PPP1R7: variants seen among roughly 807,000 people sequenced by gnomAD.
The protein encoded by PPP1R7 is protein phosphatase 1 regulatory subunit 22.
Under a neutral mutation model 45.2 loss-of-function variants are expected in PPP1R7, and 18 were observed. The observed-to-expected ratio is 0.40, with a 90% CI of 0.28 to 0.59. The LOEUF (loss-of-function observed/expected upper bound fraction) is 0.59. PPP1R7 is among the 20% of genes least tolerant of loss of function. The pLI, the probability that PPP1R7 is intolerant of heterozygous loss-of-function variation, is 0.46. For missense variants in PPP1R7, 314 were observed against 455.8 expected, an observed-to-expected ratio of 0.69 and a Z score of 2.83; for synonymous variants, 181 against 183.4, an observed-to-expected ratio of 0.99 and a Z score of 0.11.
rs961045226 is a variant in PPP1R7 at position 241,157,788 on chromosome 2, C to T, written c.182-19C>T. The T allele has an allele frequency of 2.5e-6, 4 of 1,610,706 alleles. No individual in the cohort carries two copies. The highest frequency in any genetic ancestry group is 2.5e-6 in the Non-Finnish European group (3 of 1,177,054). Reference sequence around the variant, plus strand: ...TGTTAATGGGGTTCTGAACAAATCTCTTTTTCTTATTTTTTCAGAAGAACA... The same window carrying T: ...TGTTAATGGGGTTCTGAACAAATCTTTTTTTCTTATTTTTTCAGAAGAACA... On this transcript the variant is annotated intron_variant, in intron 2 of 9. Coordinates refer to ENST00000234038, the MANE Select transcript of PPP1R7 (RefSeq NM_002712.3).
intron 8 of PPP1R7, among the ~76,000 whole-genome samples, chr2:241,167,575 C>T (rs2067741197): frequency 6.6e-6 from 1 of 152,142 alleles, no homozygotes; most frequent in Admixed American, 6.5e-5. Flanking sequence ...TGAGCCAAGG[C>T]CCTGCAGTCA....
At chr2:241,179,558 CAG>C (rs2067965103) in intron 9 of PPP1R7, among the ~76,000 whole-genome samples, 1 of 152,160 alleles carries the variant, frequency 6.6e-6, no homozygotes, top group Non-Finnish European at 1.5e-5. Flanking sequence ...TTTTAAAAAA[CAG>C]TGTGAGAAGG....
intron 1 of PPP1R7, chr2:241,151,386 G>A (rs1178023463): frequency 8.6e-6 from 4 of 465,584 alleles, no homozygotes; most frequent in African/African-American, 6.0e-5. Flanking sequence ...GGGGAAGGAG[G>A]GCGGGTGCAG....
chr2:241,150,836 C>T (rs1222181817), intron 1 of PPP1R7, among the ~76,000 whole-genome samples: 2 of 152,142 alleles, frequency 1.3e-5, no homozygotes, highest in African/African-American at 2.4e-5. Context: ...TCCATTCAGT[C>T]CAGTTGGAGC....
chr2:241,170,681 C>T (rs1176797582), intron 9 of PPP1R7, among the ~76,000 whole-genome samples: 2 of 152,176 alleles, frequency 1.3e-5, no homozygotes, highest in Non-Finnish European at 2.9e-5. Context: ...TGCTGCTGAC[C>T]CTGCTTATGT....
intron 1 of PPP1R7, chr2:241,151,531 C>T (rs2067304736): frequency 2.1e-6 from 1 of 471,182 alleles, no homozygotes; most frequent in Middle Eastern, 3.2e-4. Flanking sequence ...TCACTCAAGA[C>T]GGAGAAAACT....
At chr2:241,175,702 C>T (rs1043275611) in intron 9 of PPP1R7, among the ~76,000 whole-genome samples, 1 of 152,172 alleles carries the variant, frequency 6.6e-6, no homozygotes, top group Non-Finnish European at 1.5e-5. Flanking sequence ...TCAAGTGATC[C>T]TCCCACCTCA....
chr2:241,163,793 A>G (rs2067647622), intron 7 of PPP1R7, among the ~76,000 whole-genome samples: 1 of 151,956 alleles, frequency 6.6e-6, no homozygotes, highest in Non-Finnish European at 1.5e-5. Flanking sequence ...GGGGTGAGGA[A>G]TGGAAGAGAT....
At chr2:241,173,224 A>G (rs2067849548) in intron 9 of PPP1R7, among the ~76,000 whole-genome samples, 1 of 145,818 alleles carries the variant, frequency 6.9e-6, no homozygotes, top group Non-Finnish European at 1.5e-5. Flanking sequence ...GTGAGCCAAG[A>G]TCATGCCACT....
intron 8 of PPP1R7, among the ~76,000 whole-genome samples, chr2:241,168,305 C>T (rs912617377): frequency 1.3e-5 from 2 of 152,170 alleles, no homozygotes; most frequent in Non-Finnish European, 2.9e-5. Flanking sequence ...CTCTGCCCCT[C>T]GTGCTGAGCC....
At chr2:241,161,544 A>G (rs2067591305) in intron 6 of PPP1R7, among the ~76,000 whole-genome samples, 1 of 152,260 alleles carries the variant, frequency 6.6e-6, no homozygotes, top group Non-Finnish European at 1.5e-5. Flanking sequence ...CTCCCTGGAC[A>G]GCTTTATACT....
intron 9 of PPP1R7, among the ~76,000 whole-genome samples, chr2:241,174,866 A>G (rs985088424): frequency 4.6e-5 from 7 of 151,926 alleles, no homozygotes; most frequent in Non-Finnish European, 8.8e-5. Context: ...TAGTAGAGAC[A>G]GGGTTTCACT....
Position 241,182,686 on chromosome 2 carries a change from G to A in PPP1R7, c.946G>A (p.Glu316Lys), listed in dbSNP as rs1305544715. 4.3e-6 allele frequency: 7 copies of A among 1,614,046 alleles called. No individual in the cohort carries two copies. The highest frequency in any genetic ancestry group is 2.2e-5 in the East Asian group (1 of 44,888). ...CCTTGAGAGCTGGAGCGACCTCGACGAGCTGAAGGGAGCCAGGAGCCTGGA... is the reference window on the plus strand; with the variant it reads ...CCTTGAGAGCTGGAGCGACCTCGACAAGCTGAAGGGAGCCAGGAGCCTGGA... ...NLLESWSDLD[E>K]LKGARSLETV... The change falls in exon 10 of 10, where the codon GAG becomes AAG. Residue 316 changes from glutamate to lysine, a missense_variant. Glu to Lys is a moderately conservative substitution (Grantham distance 56). Coordinates refer to ENST00000234038, the MANE Select transcript of PPP1R7 (RefSeq NM_002712.3).
chr2:241,183,051 G>A lies in PPP1R7; in HGVS notation c.*228G>A, dbSNP rs1288267299. On this transcript the variant is annotated 3_prime_UTR_variant, in exon 10 of 10. Transcript: ENST00000234038. ...TCCTGGGTGATTGTTGACAGTTATT[G>A]TAGCCACAGAGAGAACATAAGACAC... The A allele has an allele frequency of 1.7e-6, 1 of 578,038 alleles. No individual in the cohort carries two copies. The highest frequency in any genetic ancestry group is 3.1e-6 in the Non-Finnish European group (1 of 324,684). 35.8% of individuals were successfully genotyped at this position (578,038 alleles called of 1,614,324 possible).
At chr2:241,158,174 G>A (rs978137262) in intron 3 of PPP1R7, among the ~76,000 whole-genome samples, 4 of 152,196 alleles carry the variant, frequency 2.6e-5, no homozygotes, top group East Asian at 1.9e-4. Context: ...AGCCCACAGC[G>A]TGTCTCTGAT....
At chr2:241,161,816 TCTCTC>T (rs1443889146) in intron 6 of PPP1R7, among the ~76,000 whole-genome samples, 1 of 152,108 alleles carries the variant, frequency 6.6e-6, no homozygotes, top group Non-Finnish European at 1.5e-5. Context: ...AAGGAGGACT[TCTCTC>T]AGCCAGAAGA....
At chr2:241,179,800 TA>T (rs1406386982) in intron 9 of PPP1R7, among the ~76,000 whole-genome samples, 1 of 152,248 alleles carries the variant, frequency 6.6e-6, no homozygotes, top group East Asian at 1.9e-4. Context: ...TGAATGTTTT[TA>T]GTTCCATTTT....
At chr2:241,163,980 A>C (rs965367958) in intron 7 of PPP1R7, among the ~76,000 whole-genome samples, 2 of 150,960 alleles carry the variant, frequency 1.3e-5, no homozygotes. Flanking sequence ...TGACAAGTGC[A>C]TTCATAGCTC....
chr2:241,182,596 G>C (rs202198633), intron 9 of PPP1R7, 51 bp from the exon 10 acceptor site: 7 of 1,601,736 alleles, frequency 4.4e-6, no homozygotes, highest in Non-Finnish European at 6.0e-6. Flanking sequence ...CACCAGAGTC[G>C]AGGGCTGGGC....
Sources: allele counts gnomAD v4.1 joint callset (sites outside exome capture counted in the v4.1 genomes callset), GRCh38; gene constraint gnomAD v4.1.1; transcripts MANE v1.5; gene names NCBI Gene and HGNC (gene_info 2026-07-23, HGNC 2026-07-21).